Variants in IP6K3 observed in about 807,000 individuals in gnomAD.
IP6K3 encodes the protein ATP:1D-myo-inositol-hexakisphosphate phosphotransferase.
A neutral mutation model predicts 28.8 loss-of-function variants in IP6K3; 20 were observed. That is an observed-to-expected ratio of 0.70 (90% CI 0.49 to 1.01). The LOEUF (loss-of-function observed/expected upper bound fraction) is 1.01, where lower values mean the gene tolerates loss of function less well. IP6K3 is among the 50% of genes least tolerant of loss of function. IP6K3 has a pLI of 0.00. For synonymous variants in IP6K3, 213 were observed against 221.3 expected (o/e 0.96, Z 0.33); for missense variants, 480 against 537.1 (o/e 0.89, Z 1.05).
intron 1 of IP6K3, among the ~76,000 whole-genome samples, chr6:33,745,299 C>A (rs918532505): frequency 6.6e-6 from 1 of 152,174 alleles, no homozygotes; most frequent in Non-Finnish European, 1.5e-5. Flanking sequence ...AGGGGGTGGG[C>A]TTGGCCTGGC....
intron 1 of IP6K3, among the ~76,000 whole-genome samples, chr6:33,737,925 T>C (rs550363046): frequency 2.7e-4 from 41 of 152,228 alleles, no homozygotes; most frequent in Non-Finnish European, 4.9e-4. Context: ...AGAAAAGAAG[T>C]TGGTGACAGG....
intron 3 of IP6K3, 63 bp downstream of exon 3, chr6:33,728,024 G>A: frequency 2.5e-6 from 4 of 1,572,454 alleles, no homozygotes; most frequent in Non-Finnish European, 3.4e-6. Flanking sequence ...TTGGGCACAG[G>A]TGGGAGCAGT....
At chr6:33,730,792 G>T (rs527434869) in intron 2 of IP6K3, among the ~76,000 whole-genome samples, 1 of 152,224 alleles carries the variant, frequency 6.6e-6, no homozygotes, top group Non-Finnish European at 1.5e-5. Context: ...CATGCCAGAC[G>T]TGGGGATGGA....
At chr6:33,740,781 A>G (rs535802974) in intron 1 of IP6K3, among the ~76,000 whole-genome samples, 79 of 152,344 alleles carry the variant, frequency 5.2e-4, no homozygotes, top group Middle Eastern at 3.4e-3. Flanking sequence ...GTTCATTAAC[A>G]TTACGGAAGA....
At chr6:33,758,468 G>T in the IP6K3 span, among the ~76,000 whole-genome samples, 2 of 152,184 alleles carry the variant, frequency 1.3e-5, no homozygotes, top group East Asian at 3.8e-4. Flanking sequence ...TGAGGCTGTA[G>T]TGAGCCATGA....
At chr6:33,751,872 C>T (rs780414068), upstream of IP6K3, among the ~76,000 whole-genome samples, 2 of 152,208 alleles carry the variant, frequency 1.3e-5, no homozygotes, top group Non-Finnish European at 2.9e-5. The surrounding 1 kb of genome is among the most constrained non-coding windows in gnomAD (Gnocchi z 4.3). Context: ...CATGTTTGGG[C>T]CTGGAGAAGG....
chr6:33,741,882 C>G lies in IP6K3; in HGVS notation c.-180+4876G>C, dbSNP rs1332800871. Among the ~76,000 whole-genome samples, 4 of 148,236 alleles carry G rather than the reference C, an allele frequency of 2.7e-5. No homozygotes were observed. The East Asian group carries it at 8.3e-4, about 31-fold the overall frequency. ...AGGAGAATCGCTTGAACCTGGGAGG[C>G]GGAGGTTGCGGTGAGCCAAGATCGT... is the stretch of plus-strand genomic sequence containing the variant. On this transcript the variant is annotated intron_variant, in intron 1 of 5. Coordinates refer to ENST00000293756, the MANE Select transcript of IP6K3 (RefSeq NM_054111.5).
chr6:33,726,954 G>T, intron 3 of IP6K3, 48 bp from the exon 4 acceptor site: 1 of 1,504,724 alleles, frequency 6.6e-7, no homozygotes, highest in South Asian at 1.3e-5. Flanking sequence ...GTCTGGGGAA[G>T]GGCGCCGCTG....
Position 33,735,633 on chromosome 6 carries a change from C to A in IP6K3, c.-157G>T. ...TGTCATAGCGCAGTTGTCCTCCTGT[C>A]TGTGGGTTCTCAGCGGGGTCCTCTG... On this transcript the variant is annotated 5_prime_UTR_variant, in exon 2 of 6. Transcript: ENST00000293756. The A allele has an allele frequency of 6.9e-7, 1 of 1,441,980 alleles. No homozygotes were observed. The highest frequency in any genetic ancestry group is 1.5e-5 in the South Asian group (1 of 68,280). The allele number at this position is 1,441,980 out of a possible 1,614,324, so 89.3% of individuals were successfully genotyped here.
rs183427323 is a variant in IP6K3 at position 33,726,478 on chromosome 6, C to A, written c.589+253G>T. 3.3e-4 allele frequency among the ~76,000 whole-genome samples: 51 copies of A among 152,342 alleles called. No homozygotes were observed. The East Asian group carries it at 9.8e-3, about 29-fold the overall frequency. ...GTAGCAAAGACACAGCCAGGGCCCC[C>A]CCAGGGCACTGCGCTCAGTATAATT... On this transcript the variant is annotated intron_variant, in intron 4 of 5. Transcript: ENST00000293756.
intron 5 of IP6K3, among the ~76,000 whole-genome samples, chr6:33,724,872 C>G (rs1019922601): frequency 6.6e-6 from 1 of 152,258 alleles, no homozygotes; most frequent in South Asian, 2.1e-4. Flanking sequence ...TGGAAAGTTT[C>G]GGCTGCCAAA....
intron 2 of IP6K3, among the ~76,000 whole-genome samples, 153 bp downstream of exon 2, chr6:33,735,125 A>G (rs1016219714): frequency 1.3e-5 from 2 of 152,210 alleles, no homozygotes; most frequent in African/African-American, 4.8e-5. Context: ...CAGAGAAACT[A>G]GGACAGAGAA....
At chr6:33,729,417 G>A (rs1053174593) in intron 2 of IP6K3, among the ~76,000 whole-genome samples, 2 of 152,232 alleles carry the variant, frequency 1.3e-5, no homozygotes, top group Non-Finnish European at 2.9e-5. Context: ...GCTTTATGCT[G>A]AAGGAGTGAC....
At position 33,738,326 on chromosome 6, in the gene IP6K3, C is replaced by T. The variant is rs563214921; in HGVS notation, c.-179-2671G>A. ...TGCCAGCCCAGCTCCACAGCCGCGT[C>T]CCAGCCAAATCACACCTGGGCCTCG... On this transcript the variant is annotated intron_variant, in intron 1 of 5. Coordinates refer to ENST00000293756, the MANE Select transcript of IP6K3 (RefSeq NM_054111.5). Among the ~76,000 whole-genome samples, 63 of 152,368 alleles carry T rather than the reference C, an allele frequency of 4.1e-4. 1 individual carries two copies. In the East Asian group the frequency reaches 0.012, roughly 29 times the overall value.
intron 2 of IP6K3, among the ~76,000 whole-genome samples, chr6:33,730,209 T>C (rs1216961216): frequency 1.3e-5 from 2 of 152,194 alleles, no homozygotes; most frequent in Non-Finnish European, 2.9e-5. Flanking sequence ...GCGGCTCATC[T>C]CTCGGCTTGC....
chr6:33,737,064 T>A (rs1375096191), intron 1 of IP6K3, among the ~76,000 whole-genome samples: 1 of 152,136 alleles, frequency 6.6e-6, no homozygotes, highest in Non-Finnish European at 1.5e-5. Context: ...TGCGCAGGGT[T>A]GCGGCTGGCC....
chr6:33,744,895 G>C lies in IP6K3; in HGVS notation c.-180+1863C>G, dbSNP rs373688792. 3.3e-3 allele frequency among the ~76,000 whole-genome samples: 495 copies of C among 152,302 alleles called. No homozygotes were observed. The highest frequency in any genetic ancestry group is 0.01 in the African/African-American group (434 of 41,576). On this transcript the variant is annotated intron_variant, in intron 1 of 5. Coordinates refer to ENST00000293756, the MANE Select transcript of IP6K3 (RefSeq NM_054111.5). This position sits in a 1 kb window ranked among gnomAD's most constrained non-coding sequence, Gnocchi z 4.4. ...GGGGAGGGGGTGGGAATGGGCTGGG[G>C]GTGGTGGGGCACTTGAGAGCCCATC...
Position 33,722,528 on chromosome 6 carries a change from G to A in IP6K3, c.*192C>T. ...GAGCAGCATTAGAGCATAATGCCAG[G>A]GGATGTGGAATCACCTCCAGAGCTG... On this transcript the variant is annotated 3_prime_UTR_variant, in exon 6 of 6. Transcript: ENST00000293756. 1 of 509,902 alleles carries A rather than the reference G, an allele frequency of 2.0e-6. No homozygotes were observed. Among genetic ancestry groups the A allele is most frequent in the Non-Finnish European group, 3.5e-6 (1 of 288,578 alleles). 31.6% of individuals were successfully genotyped at this position (509,902 alleles called of 1,614,324 possible).
intron 3 of IP6K3, 83 bp from the exon 4 acceptor site, chr6:33,726,989 G>T: frequency 1.4e-6 from 2 of 1,394,480 alleles, no homozygotes; most frequent in Non-Finnish European, 1.9e-6. Context: ...GGCTCTCTGA[G>T]ATGGGCTCTG....
Sources: allele counts gnomAD v4.1 joint callset (sites outside exome capture counted in the v4.1 genomes callset), GRCh38; gene constraint gnomAD v4.1.1; non-coding constraint Gnocchi (gnomAD v3.1); transcripts MANE v1.5; gene names NCBI Gene and HGNC (gene_info 2026-07-23, HGNC 2026-07-21).